The following PNISR variants were observed in gnomAD, a reference collection of about 807,000 sequenced individuals.
PNISR encodes the protein arginine/serine-rich protein PNISR.
In PNISR, 20 loss-of-function variants were observed where a neutral mutation model predicts 93.4. The observed-to-expected ratio is 0.21, with a 90% CI of 0.15 to 0.31. The LOEUF (loss-of-function observed/expected upper bound fraction) is 0.31. Ranked by LOEUF, PNISR falls within the 10% of genes least tolerant of loss-of-function variation. The pLI, the probability that PNISR is intolerant of heterozygous loss-of-function variation, is 1.00. For missense variants in PNISR, 893 were observed against 985.4 expected (o/e 0.91, Z 1.25); for synonymous variants, 305 against 306.5 (o/e 0.99, Z 0.05).
At chr6:99,414,845 C>A (rs1777459725) in intron 2 of PNISR, 155 bp from the exon 3 acceptor site, 2 of 407,390 alleles carry the variant, frequency 4.9e-6, no homozygotes, top group Admixed American at 8.6e-5. Flanking sequence ...TTTAGGGTAC[C>A]AAACGAGGTA....
At chr6:99,403,658 G>C (rs1775796187) in intron 10 of PNISR, 171 bp downstream of exon 10, 1 of 454,130 alleles carries the variant, frequency 2.2e-6, no homozygotes, top group African/African-American at 2.0e-5. Context: ...CACTGTGAAT[G>C]CGTTAGTCAA....
intron 4 of PNISR, chr6:99,412,108 A>G (rs770827028): frequency 1.6e-5 from 5 of 308,144 alleles, no homozygotes; most frequent in Non-Finnish European, 3.3e-5. Flanking sequence ...AAAAAAGGGA[A>G]GAAAAAGGTA....
rs890364068 is a variant in PNISR at position 99,399,140 on chromosome 6, T to C, written c.*1400A>G. ...ATGAACTATTGCTGGTAAGAAGGCA[T>C]ACTTTAAAACTTTTCTGTGGCCTGC... On this transcript the variant is annotated 3_prime_UTR_variant, in exon 12 of 12. Transcript: ENST00000369239. The C allele has an allele frequency of 3.9e-5, 6 of 152,144 alleles. No homozygotes were observed. Among genetic ancestry groups the C allele is most frequent in the Non-Finnish European group, 5.9e-5 (4 of 67,958 alleles). The allele number at this position is 152,144 out of a possible 1,614,324, so 9.4% of individuals were successfully genotyped here.
rs773218782 is a variant in PNISR, at chr6:99,408,304, G to C, written c.674-33C>G. On this transcript the variant is annotated intron_variant, in intron 6 of 11. Transcript: ENST00000369239. ...ACGTGGGAAAAATATACGCAAGTCA[G>C]TTAAGTAAAATATTTCTACAAACTT... is the stretch of plus-strand genomic sequence containing the variant. 34 of 1,434,144 alleles carry C rather than the reference G, an allele frequency of 2.4e-5. No homozygotes were observed. The South Asian group carries it at 3.9e-4, about 17-fold the overall frequency. 88.8% of individuals were successfully genotyped at this position (1,434,144 alleles called of 1,614,324 possible). A position where few individuals can be genotyped will look rare whatever the true frequency, so the allele number is the denominator to read the frequency against.
intron 3 of PNISR, among the ~76,000 whole-genome samples, chr6:99,413,973 A>G (rs1043815721): frequency 6.6e-6 from 1 of 152,216 alleles, no homozygotes; most frequent in African/African-American, 2.4e-5. Context: ...CAAAACACCC[A>G]AAAGTGGCTT....
intron 3 of PNISR, among the ~76,000 whole-genome samples, chr6:99,414,212 A>G (rs772856616): frequency 1.3e-5 from 2 of 152,248 alleles, no homozygotes; most frequent in African/African-American, 2.4e-5. Context: ...AAATTTTAAA[A>G]TGATATAGCA....
At chr6:99,417,136 T>C (rs940789076) in intron 1 of PNISR, among the ~76,000 whole-genome samples, 3 of 152,238 alleles carry the variant, frequency 2.0e-5, no homozygotes, top group Admixed American at 2.0e-4. Flanking sequence ...CTGTCTTAAG[T>C]TGTAAACTCA....
intron 9 of PNISR, chr6:99,404,283 G>A (rs1173339750): frequency 2.6e-6 from 1 of 390,060 alleles, no homozygotes; most frequent in Non-Finnish European, 4.7e-6. Context: ...AAAATAAACT[G>A]TATCAGAAGT....
At chr6:99,410,595 C>A in intron 5 of PNISR, 146 bp downstream of exon 5, 2 of 552,704 alleles carry the variant, frequency 3.6e-6, no homozygotes, top group Non-Finnish European at 6.5e-6. Context: ...TATTTTAATA[C>A]TCAAAAATTG....
chr6:99,405,467 C>CATAAATAA (rs919380337), intron 8 of PNISR, among the ~76,000 whole-genome samples: 1 of 151,928 alleles, frequency 6.6e-6, no homozygotes, highest in African/African-American at 2.4e-5. Context: ...ACTCCATCTC[C>CATAAATAA]ATAAATAAAT....
At position 99,401,192 on chromosome 6, in the gene PNISR, A is replaced by T; in HGVS notation, c.1766T>A (p.Val589Glu). 6.2e-7 allele frequency: 1 copy of T among 1,613,836 alleles called. No individual in the cohort carries two copies. Among genetic ancestry groups the T allele is most frequent in the South Asian group, 1.1e-5 (1 of 91,074 alleles). The change falls in exon 12 of 12, where the codon GTA becomes GAA. Residue 589 changes from valine (V) to glutamate (E), a missense_variant. Around this residue, in one of 3 missense-constraint regions of PNISR, gnomAD observed 866 missense variants for 935.1 expected, o/e 0.93. Transcript: ENST00000369239. The stretch of plus-strand genomic sequence containing the variant: ...AGATCTCCTTCTATCTCTAATCTTT[A>T]CCCTAGCCCTATTGCTCTCTATTTT... Reference protein sequence around the residue: ...RIKIESNRARVKIRDRRRSNR... With the variant: ...RIKIESNRAREKIRDRRRSNR...
At chr6:99,423,067 T>C (rs1005562598) in intron 1 of PNISR, among the ~76,000 whole-genome samples, 2 of 151,392 alleles carry the variant, frequency 1.3e-5, no homozygotes, top group Non-Finnish European at 1.5e-5. Flanking sequence ...TTTAAAGAAA[T>C]AGCTGACTCT....
intron 9 of PNISR, 71 bp downstream of exon 9, chr6:99,404,532 A>T (rs1378258090): frequency 1.2e-6 from 1 of 815,888 alleles, no homozygotes; most frequent in African/African-American, 1.7e-5. Context: ...AAGGACAACA[A>T]AAAAAGGCCA....
chr6:99,415,402 G>A (rs1777545037), intron 2 of PNISR: 1 of 152,084 alleles, frequency 6.6e-6, no homozygotes, highest in Admixed American at 6.5e-5. Flanking sequence ...CAGCCTCCAA[G>A]ACCTGGTTTC....
At chr6:99,419,952 T>A (rs183189642) in intron 1 of PNISR, among the ~76,000 whole-genome samples, 1 of 152,038 alleles carries the variant, frequency 6.6e-6, no homozygotes, top group Non-Finnish European at 1.5e-5. Flanking sequence ...TGGTGCGATG[T>A]TGGCTCACTG....
intron 1 of PNISR, among the ~76,000 whole-genome samples, chr6:99,420,023 T>A (rs1342205328): frequency 6.6e-6 from 1 of 152,170 alleles, no homozygotes; most frequent in Non-Finnish European, 1.5e-5. Flanking sequence ...TAGCTGGGAC[T>A]ACAGGCGCCT....
intron 10 of PNISR, chr6:99,402,978 T>G: frequency 7.8e-6 from 2 of 256,070 alleles, no homozygotes; most frequent in Non-Finnish European, 7.3e-6. Flanking sequence ...GTACTGTCCA[T>G]ACTAACCAAC....
chr6:99,405,453 C>A (rs1016914510), intron 8 of PNISR, among the ~76,000 whole-genome samples: 2 of 151,966 alleles, frequency 1.3e-5, no homozygotes, highest in African/African-American at 4.8e-5. Context: ...GGCAACAGAG[C>A]GAGACTCCAT....
rs529973336 is a variant in PNISR, at chr6:99,399,158, T to C, written c.*1382A>G. Reference sequence around the variant, plus strand: ...GAAGGCATACTTTAAAACTTTTCTGTGGCCTGCACCTGTTTTCTTTTTAAA... The same window carrying C: ...GAAGGCATACTTTAAAACTTTTCTGCGGCCTGCACCTGTTTTCTTTTTAAA... On this transcript the variant is annotated 3_prime_UTR_variant, in exon 12 of 12. Transcript: ENST00000369239. 6 of 152,280 alleles carry C rather than the reference T, an allele frequency of 3.9e-5. No individual in the cohort carries two copies. The highest frequency in any genetic ancestry group is 8.8e-5 in the Non-Finnish European group (6 of 67,968). The allele number at this position is 152,280 out of a possible 1,614,324, so 9.4% of individuals were successfully genotyped here.
Sources: gnomAD v4.1 joint callset for allele counts (sites outside exome capture counted in the v4.1 genomes callset) on GRCh38, gnomAD v4.1.1 for gene constraint, gnomAD v4.1.1 regional missense constraint, MANE v1.5 for transcripts, NCBI Gene and HGNC (gene_info 2026-07-23, HGNC 2026-07-21) for gene names.